The following HMGCS1 variants were observed in gnomAD, a reference collection of about 807,000 sequenced individuals.
The protein encoded by HMGCS1 is hydroxymethylglutaryl-CoA synthase, cytoplasmic.
A neutral mutation model predicts 52.3 loss-of-function variants in HMGCS1; 9 were observed. That is an observed-to-expected ratio of 0.17 (90% CI 0.10 to 0.30). HMGCS1 has a LOEUF of 0.30. HMGCS1 is among the 10% of genes least tolerant of loss of function. The pLI is 1.00. For synonymous variants in HMGCS1, 176 were observed against 214.4 expected, an observed-to-expected ratio of 0.82 and a Z score of 1.57; for missense variants, 320 against 620.9, an observed-to-expected ratio of 0.52 and a Z score of 5.15.
chr5:43,298,846 A>G lies in HMGCS1; in HGVS notation c.120T>C (p.Asp40=), dbSNP rs568257214. 1.1e-5 allele frequency: 17 copies of G among 1,614,228 alleles called. No individual in the cohort carries two copies. In the East Asian group the frequency reaches 3.8e-4, roughly 36 times the overall value. The change falls in exon 3 of 11, where the codon GAT becomes GAC. Residue 40 remains aspartate (D), a synonymous_variant. Coordinates refer to ENST00000325110, the MANE Select transcript of HMGCS1 (RefSeq NM_001098272.3). This position sits in a 1 kb window ranked among gnomAD's most constrained non-coding sequence, Gnocchi z 5.6. The stretch of plus-strand genomic sequence containing the variant: ...TGGTATACTTTCCAGCATCTACACC[A>G]TCATATTTTTCCAACTCTGCTTGAT... The part of the protein sequence containing the change: ...YVDQAELEKY[D]GVDAGKYTIG...
chr5:43,297,183 G>A lies in HMGCS1; in HGVS notation c.575-17C>T. On this transcript the variant is annotated splice_polypyrimidine_tract_variant and intron_variant, in intron 4 of 10. Coordinates refer to ENST00000325110, the MANE Select transcript of HMGCS1 (RefSeq NM_001098272.3). ...CACGAAGCCCTATTAGAACCAAAAAGGAAGATGTCTATATATTTCTGCTTC... is the reference window on the plus strand; with the variant it reads ...CACGAAGCCCTATTAGAACCAAAAAAGAAGATGTCTATATATTTCTGCTTC... The A allele has an allele frequency of 6.2e-7, 1 of 1,602,328 alleles. No individual in the cohort carries two copies. The highest frequency in any genetic ancestry group is 8.5e-7 in the Non-Finnish European group (1 of 1,173,368).
chr5:43,310,766 T>C lies in HMGCS1; in HGVS notation c.-70+2590A>G, dbSNP rs917088198. On this transcript the variant is annotated intron_variant, in intron 1 of 10. Transcript: ENST00000325110. ...GTCTAGTTTAAAGAAACTGGCTCTT[T>C]ACTGCTACTGTTCAAGGCATATGGT... is the stretch of plus-strand genomic sequence containing the variant. 1.3e-5 allele frequency among the ~76,000 whole-genome samples: 2 copies of C among 152,326 alleles called. 1 individual carries two copies.
rs1646369384 is a variant in HMGCS1, at chr5:43,288,299, A to C, written c.*2832T>G. 6.6e-6 allele frequency: 1 copy of C among 152,224 alleles called. No homozygotes were observed. Among genetic ancestry groups the C allele is most frequent in the African/African-American group, 2.4e-5 (1 of 41,460 alleles). The allele number at this position is 152,224 out of a possible 1,614,324, so 9.4% of individuals were successfully genotyped here. ...AGATCAACTATTTTCTCCCACTACC[A>C]GCAAAGAAAAAATGAGGAACCTATG... On this transcript the variant is annotated 3_prime_UTR_variant, in exon 11 of 11. Coordinates refer to ENST00000325110, the MANE Select transcript of HMGCS1 (RefSeq NM_001098272.3).
intron 2 of HMGCS1, among the ~76,000 whole-genome samples, chr5:43,303,884 A>G (rs1754438784): frequency 6.6e-6 from 1 of 152,140 alleles, no homozygotes; most frequent in Non-Finnish European, 1.5e-5. Context: ...TTACATTCCT[A>G]CTCCATTCAT....
intron 7 of HMGCS1, 85 bp from the exon 8 acceptor site, chr5:43,294,247 T>C: frequency 1.2e-6 from 1 of 808,186 alleles, no homozygotes; most frequent in Non-Finnish European, 2.1e-6. Flanking sequence ...CAATAAAAAT[T>C]TAGGCTATAA....
intron 4 of HMGCS1, 149 bp downstream of exon 4, chr5:43,297,860 A>G (rs1579645806): frequency 1.6e-6 from 1 of 620,296 alleles, no homozygotes; most frequent in Middle Eastern, 4.2e-4. Context: ...AAAAGAAAAA[A>G]AAACATAAAT....
chr5:43,292,666 T>C (rs763878991), intron 9 of HMGCS1, 29 bp from the exon 10 acceptor site: 1 of 1,581,112 alleles, frequency 6.3e-7, no homozygotes, highest in East Asian at 2.2e-5. Flanking sequence ...ATATCTACAA[T>C]TAGTTATGAT....
chr5:43,294,408 G>C (rs188402188), intron 7 of HMGCS1: 94 of 516,062 alleles, frequency 1.8e-4, no homozygotes, highest in Admixed American at 1.1e-3. Context: ...CACAAAACAA[G>C]TTACTTCATC....
At chr5:43,296,851 C>T (rs1186217502) in intron 5 of HMGCS1, 151 bp downstream of exon 5, 1 of 609,762 alleles carries the variant, frequency 1.6e-6, no homozygotes, top group East Asian at 2.8e-5. Context: ...TTCCCAGAAA[C>T]TATGGGAAAA....
At chr5:43,304,076 TA>T (rs1754448174) in intron 2 of HMGCS1, among the ~76,000 whole-genome samples, 1 of 152,232 alleles carries the variant, frequency 6.6e-6, no homozygotes, top group Non-Finnish European at 1.5e-5. Context: ...AAGGGCTGCC[TA>T]ATATGCCACT....
Position 43,290,854 on chromosome 5 carries a change from T to C in HMGCS1, c.*277A>G, listed in dbSNP as rs1753725522. On this transcript the variant is annotated 3_prime_UTR_variant, in exon 11 of 11. Coordinates refer to ENST00000325110, the MANE Select transcript of HMGCS1 (RefSeq NM_001098272.3). ...ATGTTTAAAAACCAAACATCATGCA[T>C]ACAAATGGCCAAAGAGGTATGAAGT... 6.0e-6 allele frequency: 2 copies of C among 330,946 alleles called. No homozygotes were observed. Among genetic ancestry groups the C allele is most frequent in the Non-Finnish European group, 1.1e-5 (2 of 179,538 alleles). The allele number at this position is 330,946 out of a possible 1,614,324, so 20.5% of individuals were successfully genotyped here.
At position 43,290,405 on chromosome 5, in the gene HMGCS1, C is replaced by T. The variant is rs1179856662; in HGVS notation, c.*726G>A. ...CACACCTAGAGCTATATTCACAGCT[C>T]CTGAATGTACCATGTTTTCTATACC... On this transcript the variant is annotated 3_prime_UTR_variant, in exon 11 of 11. Coordinates refer to ENST00000325110, the MANE Select transcript of HMGCS1 (RefSeq NM_001098272.3). 3.9e-5 allele frequency: 6 copies of T among 152,184 alleles called. No homozygotes were observed. The highest frequency in any genetic ancestry group is 6.5e-5 in the Admixed American group (1 of 15,270). The allele number at this position is 152,184 out of a possible 1,614,324, so 9.4% of individuals were successfully genotyped here. A position where few individuals can be genotyped will look rare whatever the true frequency, so the allele number is the denominator to read the frequency against.
In HMGCS1 at chr5:43,297,019, T is replaced by C. The variant is rs1282119776; in HGVS notation, c.722A>G (p.His241Arg). The change falls in exon 5 of 11, where the codon CAT becomes CGT. Residue 241 changes from histidine to arginine, a missense_variant. Transcript: ENST00000325110. The part of the protein sequence containing the change: ...RCYSVYCKKI[H>R]AQWQKEGNDK... ...AAACTTACCTTTCTGCCACTGGGCATGGATCTTTTTGCAGTAGACAGAATA... is the reference window on the plus strand; with the variant it reads ...AAACTTACCTTTCTGCCACTGGGCACGGATCTTTTTGCAGTAGACAGAATA... 2 of 1,613,764 alleles carry C rather than the reference T, an allele frequency of 1.2e-6. No homozygotes were observed. Among genetic ancestry groups the C allele is most frequent in the Admixed American group, 1.7e-5 (1 of 59,948 alleles).
Position 43,291,079 on chromosome 5 carries a change from A to ACCCCCCCCCCCATCCCC in HMGCS1, c.*51_*52insGGGGATGGGGGGGGGGG. On this transcript the variant is annotated 3_prime_UTR_variant, in exon 11 of 11. Transcript: ENST00000325110. ...ATCCCATTCCTCCAACTGTTCCCAT[A>ACCCCCCCCCCCATCCCC]CCCCCACCCCATGCCCACCCCACCC... is the stretch of plus-strand genomic sequence containing the variant. The ACCCCCCCCCCCATCCCC allele has an allele frequency of 1.3e-6, 1 of 780,102 alleles. No individual in the cohort carries two copies. Among genetic ancestry groups the ACCCCCCCCCCCATCCCC allele is most frequent in the Non-Finnish European group, 2.3e-6 (1 of 430,612 alleles). 48.3% of individuals were successfully genotyped at this position (780,102 alleles called of 1,614,324 possible).
At chr5:43,292,240 C>T (rs1243906660) in intron 10 of HMGCS1, among the ~76,000 whole-genome samples, 2 of 152,192 alleles carry the variant, frequency 1.3e-5, no homozygotes, top group Middle Eastern at 3.4e-3. Flanking sequence ...ATCTGCCTGC[C>T]TCAGTCTCCC....
intron 7 of HMGCS1, 89 bp from the exon 8 acceptor site, chr5:43,294,251 G>A: frequency 2.7e-6 from 2 of 750,114 alleles, no homozygotes; most frequent in Non-Finnish European, 4.6e-6. Flanking sequence ...AAAAATTTAG[G>A]CTATAAGTAA....
At chr5:43,310,895 C>T (rs1207650702) in intron 1 of HMGCS1, among the ~76,000 whole-genome samples, 1 of 152,174 alleles carries the variant, frequency 6.6e-6, no homozygotes, top group African/African-American at 2.4e-5. Flanking sequence ...GCACCCACAA[C>T]TAAAAACCCT....
chr5:43,300,705 G>A (rs994620445), intron 2 of HMGCS1, among the ~76,000 whole-genome samples: 2 of 151,706 alleles, frequency 1.3e-5, no homozygotes, highest in Non-Finnish European at 2.9e-5. Flanking sequence ...TGAGGTAGCA[G>A]GATCACTTGA....
rs768587721 is a variant in HMGCS1, at chr5:43,297,090, A to G, written c.651T>C (p.Asp217=). The G allele has an allele frequency of 6.2e-7, 1 of 1,613,566 alleles. No individual in the cohort carries two copies. The highest frequency in any genetic ancestry group is 8.5e-7 in the Non-Finnish European group (1 of 1,179,470). ...PDMLSEYPIV[D]GKLSIQCYLS... is the part of the protein sequence containing the mutation. Reference sequence around the variant, plus strand: ...GGTAGCACTGTATGGAGAGTTTTCCATCTACTATAGGATATTCAGATAGCA... The same window carrying G: ...GGTAGCACTGTATGGAGAGTTTTCCGTCTACTATAGGATATTCAGATAGCA... The change falls in exon 5 of 11, where the codon GAT becomes GAC. Residue 217 remains aspartate (D), a synonymous_variant. Coordinates refer to ENST00000325110, the MANE Select transcript of HMGCS1 (RefSeq NM_001098272.3).
Sources: gnomAD v4.1 joint callset for allele counts (sites outside exome capture counted in the v4.1 genomes callset) on GRCh38, gnomAD v4.1.1 for gene constraint, Gnocchi (gnomAD v3.1) non-coding constraint, MANE v1.5 for transcripts, NCBI Gene and HGNC (gene_info 2026-07-23, HGNC 2026-07-21) for gene names.